PLSCR2: variants seen among roughly 807,000 people sequenced by gnomAD.
PLSCR2 encodes the protein phospholipid scramblase 2.
In PLSCR2, 18 loss-of-function variants were observed where a neutral mutation model predicts 25.3. The ratio of observed to expected loss-of-function variants is 0.71; its 90% CI spans 0.49 to 1.06. The LOEUF is 1.06. Among genes scored for constraint, PLSCR2 ranks in the 50% least tolerant of loss-of-function variants. The probability of loss-of-function intolerance (pLI) is 0.00; values close to 1 mark genes in which losing one functional copy is unlikely to be tolerated. For missense variants in PLSCR2, 243 were observed against 269.5 expected, an observed-to-expected ratio of 0.90 and a Z score of 0.69; for synonymous variants, 88 against 87.3, an observed-to-expected ratio of 1.01 and a Z score of -0.04.
rs1464864498 is a variant in PLSCR2, at chr3:146,412,198, T to G, written c.101-16277A>C. Among the ~76,000 whole-genome samples, 3 of 152,302 alleles carry G rather than the reference T, an allele frequency of 2.0e-5. No individual in the cohort carries two copies. The East Asian group carries it at 5.8e-4, about 29-fold the overall frequency. On this transcript the variant is annotated intron_variant and NMD_transcript_variant, in intron 2 of 3. Transcript: ENST00000463633. ...GTAGCTCTCAGGAGTTGCAGTCTCA[T>G]GCTTGCACCTTTCTCAGGCTGCAGT...
chr3:146,416,044 G>A (rs1056020678), intron 2 of PLSCR2, among the ~76,000 whole-genome samples: 20 of 151,984 alleles, frequency 1.3e-4, no homozygotes, highest in African/African-American at 3.9e-4. Context: ...TCTGTTTCCC[G>A]GGTTCACACC....
downstream of PLSCR2, among the ~76,000 whole-genome samples, chr3:146,437,147 A>G (rs7633474): frequency 0.59 from 89,495 of 151,750 alleles, 26,657 homozygotes; most frequent in South Asian, 0.76. Flanking sequence ...TGGTGGATAA[A>G]CTTTTTGATG....
chr3:146,428,975 C>T (rs900545945), downstream of PLSCR2, among the ~76,000 whole-genome samples: 1 of 152,178 alleles, frequency 6.6e-6, no homozygotes, highest in Non-Finnish European at 1.5e-5. Context: ...TATGTTTGTT[C>T]TACTGCAGGA....
At chr3:146,463,739 C>T (rs186891213), upstream of PLSCR2, 258 of 367,406 alleles carry the variant, frequency 7.0e-4, no homozygotes, top group African/African-American at 5.4e-3. Flanking sequence ...TTACCAACTC[C>T]TCCTACTGTG....
At chr3:146,401,964 A>C (rs2038486354) in intron 2 of PLSCR2, among the ~76,000 whole-genome samples, 1 of 151,882 alleles carries the variant, frequency 6.6e-6, no homozygotes, top group Non-Finnish European at 1.5e-5. Context: ...GGAAGTAGGA[A>C]ATACTCTCAT....
intron 1 of PLSCR2, among the ~76,000 whole-genome samples, chr3:146,474,731 T>C (rs2042228286): frequency 6.6e-6 from 1 of 152,134 alleles, no homozygotes; most frequent in Admixed American, 6.5e-5. Context: ...TGAAGTGTGT[T>C]TTCCAACTTC....
chr3:146,483,197 AAAAC>A (rs1476673938), intron 1 of PLSCR2, among the ~76,000 whole-genome samples: 1 of 150,254 alleles, frequency 6.7e-6, no homozygotes, highest in African/African-American at 2.5e-5. Context: ...TACAAGAAAA[AAAAC>A]AAACAACCCC....
At chr3:146,489,742 T>G (rs941821139) in intron 1 of PLSCR2, among the ~76,000 whole-genome samples, 3 of 152,110 alleles carry the variant, frequency 2.0e-5, no homozygotes, top group Non-Finnish European at 4.4e-5. Flanking sequence ...TGATCTCTCA[T>G]AAGGACCTTT....
At chr3:146,459,543 C>A (rs1039391071) in intron 2 of PLSCR2, among the ~76,000 whole-genome samples, 7 of 152,156 alleles carry the variant, frequency 4.6e-5, no homozygotes, top group Non-Finnish European at 1.0e-4. Flanking sequence ...TGAGGTAATA[C>A]ATGTATTATG....
At chr3:146,491,161 C>T (rs2043537489) in intron 1 of PLSCR2, among the ~76,000 whole-genome samples, 1 of 152,040 alleles carries the variant, frequency 6.6e-6, no homozygotes, top group Non-Finnish European at 1.5e-5. Flanking sequence ...TTTAATAATG[C>T]TGAATGTAGC....
At chr3:146,434,979 T>G (rs1338380822) in intron 8 of PLSCR2, among the ~76,000 whole-genome samples, 1 of 139,706 alleles carries the variant, frequency 7.2e-6, no homozygotes, top group Non-Finnish European at 1.5e-5. Flanking sequence ...TGTCCAAGTG[T>G]TCTCATTATT....
intron 2 of PLSCR2, among the ~76,000 whole-genome samples, chr3:146,412,358 T>G (rs1177256788): frequency 1.3e-5 from 2 of 152,124 alleles, no homozygotes; most frequent in Non-Finnish European, 1.5e-5. Context: ...CCCCCAGGTT[T>G]TCTATGACAT....
At chr3:146,462,575 C>T (rs1409659313), upstream of PLSCR2, among the ~76,000 whole-genome samples, 3 of 151,488 alleles carry the variant, frequency 2.0e-5, no homozygotes, top group Non-Finnish European at 4.4e-5. Flanking sequence ...AAGCGATTCT[C>T]GTGCCTCAGC....
rs904028039 is a variant in PLSCR2, at chr3:146,433,495, T to G, written c.*57A>C. The stretch of plus-strand genomic sequence containing the variant: ...GTTTAGATCAGTTATAGTTTCATTT[T>G]GCCTAGCCAAAGATCCGGAATCCTA... On this transcript the variant is annotated 3_prime_UTR_variant, in exon 9 of 9. Transcript: ENST00000336685. The G allele has an allele frequency of 2.0e-5, 3 of 152,302 alleles. No homozygotes were observed. In the East Asian group the frequency reaches 5.8e-4, roughly 29 times the overall value. 9.4% of individuals were successfully genotyped at this position (152,302 alleles called of 1,614,324 possible).
At chr3:146,440,073 G>C (rs1034733182), downstream of PLSCR2, among the ~76,000 whole-genome samples, 1 of 152,176 alleles carries the variant, frequency 6.6e-6, no homozygotes, top group African/African-American at 2.4e-5. Flanking sequence ...ATCACCAGTG[G>C]AGGCTGCAGA....
chr3:146,460,130 A>G (rs915867328), intron 1 of PLSCR2, 47 bp from the exon 2 acceptor site: 1 of 1,423,152 alleles, frequency 7.0e-7, no homozygotes, highest in Non-Finnish European at 9.3e-7. Flanking sequence ...CAGAAAAGTC[A>G]TCAATCCTTT....
At chr3:146,483,558 C>T (rs1240940283) in intron 1 of PLSCR2, among the ~76,000 whole-genome samples, 5 of 139,798 alleles carry the variant, frequency 3.6e-5, no homozygotes, top group East Asian at 2.1e-4. Flanking sequence ...AAAGATTCCC[C>T]GAGGAAGGAG....
At chr3:146,415,377 AATT>A (rs907888775) in intron 2 of PLSCR2, among the ~76,000 whole-genome samples, 4 of 152,048 alleles carry the variant, frequency 2.6e-5, no homozygotes, top group Middle Eastern at 3.2e-3. Context: ...GCAAATGAAA[AATT>A]ATTATTACAG....
chr3:146,403,345 G>T (rs1256021094), intron 2 of PLSCR2, among the ~76,000 whole-genome samples: 2 of 152,128 alleles, frequency 1.3e-5, no homozygotes, highest in Non-Finnish European at 2.9e-5. Flanking sequence ...CTGCATCGAG[G>T]TCACCTGGAG....
Sources: allele counts gnomAD v4.1 joint callset (sites outside exome capture counted in the v4.1 genomes callset), GRCh38; gene constraint gnomAD v4.1.1; transcripts MANE v1.5; gene names NCBI Gene and HGNC (gene_info 2026-07-23, HGNC 2026-07-21).